Variants in SF3A1 observed in about 807,000 individuals in gnomAD.
SF3A1 encodes splicing factor 3a subunit 1, also known as SAP 114.
Under a neutral mutation model 89.9 loss-of-function variants are expected in SF3A1, and 13 were observed. That is an observed-to-expected ratio of 0.14 (90% CI 0.09 to 0.23). SF3A1 has a LOEUF of 0.23. Among genes scored for constraint, SF3A1 ranks in the 10% least tolerant of loss-of-function variants. The pLI, the probability that SF3A1 is intolerant of heterozygous loss-of-function variation, is 1.00. For missense variants in SF3A1, 604 were observed against 1,022.1 expected (o/e 0.59, Z 5.58); for synonymous variants, 405 against 374.4 (o/e 1.08, Z -0.94).
chr22:30,335,442 C>T, intron 15 of SF3A1, 25 bp downstream of exon 15: 1 of 1,603,792 alleles, frequency 6.2e-7, no homozygotes, highest in Non-Finnish European at 8.5e-7. Flanking sequence ...ACCCAAGGGA[C>T]AGGTCTGTGG....
chr22:30,353,794 G>T (rs1931674501), intron 1 of SF3A1, among the ~76,000 whole-genome samples: 1 of 152,098 alleles, frequency 6.6e-6, no homozygotes, highest in Non-Finnish European at 1.5e-5. Context: ...CTTTAATCCG[G>T]TGTCTGAGGA....
chr22:30,334,325 T>C lies in SF3A1; in HGVS notation c.*269A>G. 3.2e-6 allele frequency: 1 copy of C among 317,138 alleles called. No homozygotes were observed. Among genetic ancestry groups the C allele is most frequent in the Non-Finnish European group, 5.8e-6 (1 of 172,740 alleles). 19.6% of individuals were successfully genotyped at this position (317,138 alleles called of 1,614,324 possible). A position where few individuals can be genotyped will look rare whatever the true frequency, so the allele number is the denominator to read the frequency against. ...ACATCCCTGGGCTCTCAGTTGCTAA[T>C]GGGCTGCTGAAGAAATGAATGTCCT... On this transcript the variant is annotated 3_prime_UTR_variant, in exon 16 of 16. Coordinates refer to ENST00000215793, the MANE Select transcript of SF3A1 (RefSeq NM_005877.6).
intron 2 of SF3A1, among the ~76,000 whole-genome samples, chr22:30,347,578 AATG>A (rs894775126): frequency 2.6e-4 from 39 of 152,166 alleles, no homozygotes; most frequent in Non-Finnish European, 1.3e-4. Flanking sequence ...ATGTCCCTAT[AATG>A]ATGTTTAGGG....
At chr22:30,351,415 G>T (rs1741578231) in intron 2 of SF3A1, among the ~76,000 whole-genome samples, 2 of 152,236 alleles carry the variant, frequency 1.3e-5, no homozygotes, top group Non-Finnish European at 2.9e-5. Flanking sequence ...ACTGCCTCAG[G>T]GGGGTGACGT....
At chr22:30,341,589 T>A in intron 7 of SF3A1, 103 bp downstream of exon 7, 1 of 668,896 alleles carries the variant, frequency 1.5e-6, no homozygotes, top group Non-Finnish European at 2.4e-6. Context: ...CCACGCCTCC[T>A]TTCAAGGCTC....
intron 3 of SF3A1, among the ~76,000 whole-genome samples, chr22:30,345,669 A>G (rs1931396921): frequency 6.6e-6 from 1 of 152,240 alleles, no homozygotes; most frequent in Non-Finnish European, 1.5e-5. Flanking sequence ...CCTAGGCCTC[A>G]TTGCAACGCA....
At position 30,340,400 on chromosome 22, in the gene SF3A1, T is replaced by G; in HGVS notation, c.1190-19A>C. On this transcript the variant is annotated intron_variant, in intron 8 of 15. Transcript: ENST00000215793. Reference sequence around the variant, plus strand: ...TTGGAGGCTAAAAGGAAACAGATGTTTCAGTAAGAACACTGGTGGGCAGCC... The same window carrying G: ...TTGGAGGCTAAAAGGAAACAGATGTGTCAGTAAGAACACTGGTGGGCAGCC... The G allele has an allele frequency of 6.2e-7, 1 of 1,610,108 alleles. No individual in the cohort carries two copies. The highest frequency in any genetic ancestry group is 8.5e-7 in the Non-Finnish European group (1 of 1,178,848).
In SF3A1 at chr22:30,340,765, C is replaced by A. The variant is rs765191481; in HGVS notation, c.1119G>T (p.Glu373Asp). 28 of 1,598,250 alleles carry A rather than the reference C, an allele frequency of 1.8e-5. No homozygotes were observed. The East Asian group carries it at 5.9e-4, about 34-fold the overall frequency. The part of the protein sequence containing the change: ...EEGQKVPPPP[E>D]TPMPPPLPPT... The stretch of plus-strand genomic sequence containing the variant: ...GGGGCAGAGGTGGAGGCATGGGTGT[C>A]TCTGGGGGTGGGGGCACTTTCTGCC... The change falls in exon 8 of 16, where the codon GAG becomes GAT. Residue 373 changes from glutamate (E) to aspartate (D), a missense_variant. Glu to Asp is a conservative substitution (Grantham distance 45). Around this residue, in one of 9 missense-constraint regions of SF3A1, gnomAD observed 146 missense variants for 228.5 expected, o/e 0.64. Transcript: ENST00000215793.
intron 2 of SF3A1, chr22:30,352,526 G>A (rs778488485): frequency 7.5e-5 from 12 of 160,806 alleles, no homozygotes; most frequent in African/African-American, 2.2e-4. Flanking sequence ...CCTCACTCCC[G>A]CCTCACAACA....
At position 30,335,892 on chromosome 22, in the gene SF3A1, AC is replaced by A; in HGVS notation, c.2107-140del. ...ATTCTGGCCTGATTCACCACTGATAACCCCTTGTGAGGTTGTACAAGTCACC... is the reference window on the plus strand; with the variant it reads ...ATTCTGGCCTGATTCACCACTGATAACCCTTGTGAGGTTGTACAAGTCACC... On this transcript the variant is annotated intron_variant, in intron 13 of 15. Coordinates refer to ENST00000215793, the MANE Select transcript of SF3A1 (RefSeq NM_005877.6). The A allele has an allele frequency of 5.7e-6, 4 of 701,942 alleles. 1 individual carries two copies. The South Asian group carries it at 6.5e-5, about 11-fold the overall frequency. The allele number at this position is 701,942 out of a possible 1,614,324, so 43.5% of individuals were successfully genotyped here.
At chr22:30,340,648 C>A (rs765408538) in intron 8 of SF3A1, 47 bp downstream of exon 8, 4 of 1,212,434 alleles carry the variant, frequency 3.3e-6, no homozygotes, top group South Asian at 1.2e-5. Flanking sequence ...TGAGGGCACA[C>A]AGGACTTCCT....
At chr22:30,355,033 CT>C (rs369958820) in intron 1 of SF3A1, among the ~76,000 whole-genome samples, 182 of 147,676 alleles carry the variant, frequency 1.2e-3, no homozygotes, top group South Asian at 7.3e-3. Context: ...ATTAAGTACT[CT>C]TTTTTTTTTT....
chr22:30,345,276 C>CTAAGATGCAAAGGGAGTATGAGG, intron 3 of SF3A1, 86 bp from the exon 4 acceptor site: 1 of 1,296,544 alleles, frequency 7.7e-7, no homozygotes, highest in Non-Finnish European at 1.1e-6. Flanking sequence ...GGGCATGCAC[C>CTAAGATGCAAAGGGAGTATGAGG]CCTCAGCAGG....
At chr22:30,348,342 G>C (rs1243845358) in intron 2 of SF3A1, among the ~76,000 whole-genome samples, 2 of 152,160 alleles carry the variant, frequency 1.3e-5, no homozygotes, top group African/African-American at 2.4e-5. Context: ...CCTGGCCTGT[G>C]AGTTTAAGAG....
At chr22:30,343,286 CCT>C (rs781688173) in intron 4 of SF3A1, among the ~76,000 whole-genome samples, 82 of 152,270 alleles carry the variant, frequency 5.4e-4, no homozygotes, top group Non-Finnish European at 7.6e-4. Flanking sequence ...GCCCCACCTC[CCT>C]CTATTTCTGC....
chr22:30,355,916 A>G (rs1028150166), intron 1 of SF3A1, among the ~76,000 whole-genome samples: 1 of 146,936 alleles, frequency 6.8e-6, no homozygotes, highest in African/African-American at 2.5e-5. Context: ...TCCCTTCCCT[A>G]GTCACCTACC....
chr22:30,337,722 G>C lies in SF3A1; in HGVS notation c.1919C>G (p.Ala640Gly). The C allele has an allele frequency of 8.5e-7, 1 of 1,178,136 alleles. No individual in the cohort carries two copies. Among genetic ancestry groups the C allele is most frequent in the Non-Finnish European group, 1.2e-6 (1 of 833,520 alleles). 73.0% of individuals were successfully genotyped at this position (1,178,136 alleles called of 1,614,324 possible). A position where few individuals can be genotyped will look rare whatever the true frequency, so the allele number is the denominator to read the frequency against. The change falls in exon 12 of 16, where the codon GCC (alanine) becomes GGC (glycine). Residue 640 changes from alanine (A) to glycine (G), a missense_variant. Around this residue, in one of 9 missense-constraint regions of SF3A1, gnomAD observed 85 missense variants for 137.3 expected, o/e 0.62. Transcript: ENST00000215793. Reference protein sequence around the residue: ...PMPPSAPPIMAPRPPPMIVPT... With the variant: ...PMPPSAPPIMGPRPPPMIVPT... ...CACAATCATGGGGGGTGGGCGGGGG[G>C]CCATAATAGGAGGGGCCGAGGGAGG...
rs1362350671 is a variant in SF3A1 at position 30,333,091 on chromosome 22, A to G, written c.*1503T>C. On this transcript the variant is annotated 3_prime_UTR_variant, in exon 16 of 16. Transcript: ENST00000215793. ...ACCACAAAGCCCACCTCAGGAAGCCAAATTTCAACTCTTGCCCCTGGGGCA... is the reference window on the plus strand; with the variant it reads ...ACCACAAAGCCCACCTCAGGAAGCCGAATTTCAACTCTTGCCCCTGGGGCA... 6.6e-6 allele frequency: 1 copy of G among 152,262 alleles called. No individual in the cohort carries two copies. Among genetic ancestry groups the G allele is most frequent in the South Asian group, 2.1e-4 (1 of 4,834 alleles). The allele number at this position is 152,262 out of a possible 1,614,324, so 9.4% of individuals were successfully genotyped here.
intron 1 of SF3A1, among the ~76,000 whole-genome samples, chr22:30,356,205 TC>T (rs1449592028): frequency 1.3e-5 from 2 of 152,124 alleles, no homozygotes; most frequent in African/African-American, 4.8e-5. Context: ...GCCTGTGAGC[TC>T]CCTAGGCAGG....
Sources: allele counts gnomAD v4.1 joint callset (sites outside exome capture counted in the v4.1 genomes callset), GRCh38; gene constraint gnomAD v4.1.1; regional missense constraint gnomAD v4.1.1; transcripts MANE v1.5; gene names NCBI Gene and HGNC (gene_info 2026-07-23, HGNC 2026-07-21).